The following L3MBTL4 variants were observed in gnomAD, a reference collection of about 807,000 sequenced individuals.
L3MBTL4 encodes the protein L3MBTL histone methyl-lysine binding protein 4, also known as lethal(3)malignant brain tumor-like protein 4.
L3MBTL4 carries 70 observed loss-of-function variants against 84.5 expected under a neutral mutation model. The ratio of observed to expected loss-of-function variants is 0.83; its 90% CI spans 0.68 to 1.01. The LOEUF (loss-of-function observed/expected upper bound fraction) is 1.01, where lower values mean the gene tolerates loss of function less well. Ranked by LOEUF, L3MBTL4 falls within the 50% of genes least tolerant of loss-of-function variation. L3MBTL4 has a pLI of 0.00. For synonymous variants in L3MBTL4, 274 were observed against 259.8 expected (o/e 1.05, Z -0.52); for missense variants, 715 against 754.8 (o/e 0.95, Z 0.62).
At chr18:6,311,430 G>T (rs2146943467) in intron 3 of L3MBTL4, 124 bp downstream of exon 3, 1 of 728,376 alleles carries the variant, frequency 1.4e-6, no homozygotes, top group East Asian at 2.5e-5. Context: ...AGCTCAAGCA[G>T]AAGCCACATC....
intron 16 of L3MBTL4, among the ~76,000 whole-genome samples, chr18:6,078,426 C>CAAAAAAAAAAAA (rs1200685986): frequency 2.9e-5 from 1 of 34,878 alleles, no homozygotes. Context: ...GAGTCCACCT[C>CAAAAAAAAAAAA]AAAAAAAAAA....
chr18:6,284,431 G>A (rs2049465102), intron 4 of L3MBTL4, among the ~76,000 whole-genome samples: 1 of 152,172 alleles, frequency 6.6e-6, no homozygotes. Context: ...TGGGAAAGTC[G>A]AAGCCAAAGA....
At chr18:5,968,288 T>C (rs1055502770) in intron 17 of L3MBTL4, among the ~76,000 whole-genome samples, 1 of 152,240 alleles carries the variant, frequency 6.6e-6, no homozygotes, top group African/African-American at 2.4e-5. Flanking sequence ...AAAAACAGTA[T>C]CTTTATCCAA....
rs558543129 is a variant in L3MBTL4 at position 6,293,509 on chromosome 18, T to G, written c.127+8394A>C. ...ATCCACTGAATAAAATAAGAAGCCA[T>G]GAGTCCATTAAGAAATAAATAAAAA... On this transcript the variant is annotated intron_variant, in intron 4 of 18. Coordinates refer to ENST00000317931, the MANE Select transcript of L3MBTL4 (RefSeq NM_001330559.2). Among the ~76,000 whole-genome samples the G allele has an allele frequency of 9.2e-5, 14 of 152,058 alleles. No individual in the cohort carries two copies. In the South Asian group the frequency reaches 1.5e-3, roughly 16 times the overall value.
intron 17 of L3MBTL4, among the ~76,000 whole-genome samples, chr18:5,965,417 G>T (rs1368385229): frequency 6.6e-6 from 1 of 152,136 alleles, no homozygotes; most frequent in Non-Finnish European, 1.5e-5. Context: ...AAGTCTTCCC[G>T]AAGGATGCCC....
At chr18:6,037,624 C>T (rs186323192) in intron 16 of L3MBTL4, among the ~76,000 whole-genome samples, 18 of 152,342 alleles carry the variant, frequency 1.2e-4, no homozygotes, top group East Asian at 7.7e-4. Flanking sequence ...CTGTAAATCT[C>T]GGGTTAAATT....
At chr18:6,136,145 T>G (rs989450750) in intron 14 of L3MBTL4, among the ~76,000 whole-genome samples, 24 of 152,182 alleles carry the variant, frequency 1.6e-4, no homozygotes, top group African/African-American at 5.6e-4. Context: ...CTGGGCCCCA[T>G]GATTCAATTA....
intron 1 of L3MBTL4, among the ~76,000 whole-genome samples, chr18:6,344,812 A>T (rs2052794463): frequency 6.7e-6 from 1 of 148,606 alleles, no homozygotes; most frequent in African/African-American, 2.5e-5. Flanking sequence ...CAGAAAAAGC[A>T]TTTTTCATGA....
At chr18:6,406,458 G>A (rs2055739912) in intron 1 of L3MBTL4, among the ~76,000 whole-genome samples, 1 of 152,180 alleles carries the variant, frequency 6.6e-6, no homozygotes, top group Non-Finnish European at 1.5e-5. Flanking sequence ...CTGACATAGT[G>A]ACTTCTGAGC....
intron 12 of L3MBTL4, among the ~76,000 whole-genome samples, chr18:6,209,744 G>T (rs973396361): frequency 1.3e-5 from 2 of 152,072 alleles, no homozygotes; most frequent in African/African-American, 2.4e-5. Context: ...CAACCCAAAT[G>T]TCCATCAACT....
At chr18:6,382,612 G>C (rs1485858339) in intron 1 of L3MBTL4, among the ~76,000 whole-genome samples, 1 of 152,206 alleles carries the variant, frequency 6.6e-6, no homozygotes, top group African/African-American at 2.4e-5. Flanking sequence ...GTCCACTCCA[G>C]ACCCTGTTTG....
At chr18:6,219,763 G>A (rs946304471) in intron 10 of L3MBTL4, among the ~76,000 whole-genome samples, 2 of 152,162 alleles carry the variant, frequency 1.3e-5, no homozygotes, top group South Asian at 2.1e-4. Flanking sequence ...GAACGCTCAG[G>A]AAGAAGGGGA....
chr18:6,015,996 T>C (rs1598439769), intron 16 of L3MBTL4, among the ~76,000 whole-genome samples: 1 of 152,292 alleles, frequency 6.6e-6, no homozygotes, highest in East Asian at 1.9e-4. Flanking sequence ...CACAACTCGG[T>C]GCAGTCTCTA....
intron 3 of L3MBTL4, among the ~76,000 whole-genome samples, chr18:6,309,833 A>G (rs2729740): frequency 0.27 from 40,784 of 152,182 alleles, 7,078 homozygotes; most frequent in African/African-American, 0.49. Flanking sequence ...TATAAAATAC[A>G]TGTGGATGGG....
At chr18:6,028,499 G>T (rs1005545251) in intron 16 of L3MBTL4, among the ~76,000 whole-genome samples, 3 of 152,172 alleles carry the variant, frequency 2.0e-5, no homozygotes, top group African/African-American at 7.2e-5. Context: ...TTTCTGCTTA[G>T]GATTGTCTTG....
chr18:6,324,826 T>C (rs1160764036), intron 1 of L3MBTL4, among the ~76,000 whole-genome samples: 1 of 151,680 alleles, frequency 6.6e-6, no homozygotes, highest in Non-Finnish European at 1.5e-5. Flanking sequence ...AGTATTTTTA[T>C]AGCAATAGCA....
intron 16 of L3MBTL4, among the ~76,000 whole-genome samples, chr18:5,995,110 A>T (rs2053890455): frequency 6.6e-6 from 1 of 152,276 alleles, no homozygotes; most frequent in Admixed American, 6.5e-5. Context: ...AGCTAGAGAA[A>T]CATGTGCGTC....
chr18:5,969,168 G>A (rs1307933142), intron 17 of L3MBTL4, among the ~76,000 whole-genome samples: 2 of 152,148 alleles, frequency 1.3e-5, no homozygotes, highest in Non-Finnish European at 2.9e-5. Context: ...AGGCTGCGGA[G>A]GGGAGGTGCA....
chr18:6,120,396 G>T (rs1011226528), intron 14 of L3MBTL4, among the ~76,000 whole-genome samples: 9 of 152,180 alleles, frequency 5.9e-5, no homozygotes, highest in Admixed American at 2.0e-4. Context: ...ATATCAGACT[G>T]TTGCCTGTGT....
Sources: allele counts gnomAD v4.1 joint callset (sites outside exome capture counted in the v4.1 genomes callset), GRCh38; gene constraint gnomAD v4.1.1; transcripts MANE v1.5; gene names NCBI Gene and HGNC (gene_info 2026-07-23, HGNC 2026-07-21).